CYSTM1: variants seen among roughly 807,000 people sequenced by gnomAD.
CYSTM1 encodes the protein cysteine rich transmembrane module containing 1.
CYSTM1 carries 4 observed loss-of-function variants against 13.1 expected under a neutral mutation model. The observed-to-expected ratio is 0.31, with a 90% CI of 0.15 to 0.70. The LOEUF is 0.70. Among genes scored for constraint, CYSTM1 ranks in the 30% least tolerant of loss-of-function variants. The pLI, the probability that CYSTM1 is intolerant of heterozygous loss-of-function variation, is 0.72. For missense variants in CYSTM1, 96 were observed against 121.6 expected, an observed-to-expected ratio of 0.79 and a Z score of 0.99; for synonymous variants, 36 against 42.7, an observed-to-expected ratio of 0.84 and a Z score of 0.62.
At chr5:140,198,219 C>T (rs965107464) in intron 2 of CYSTM1, among the ~76,000 whole-genome samples, 1 of 152,202 alleles carries the variant, frequency 6.6e-6, no homozygotes, top group Non-Finnish European at 1.5e-5. Context: ...GGAGTGGAAT[C>T]TGAGACTCAG....
chr5:140,189,160 G>A (rs1764059811), intron 1 of CYSTM1, among the ~76,000 whole-genome samples: 1 of 152,132 alleles, frequency 6.6e-6, no homozygotes, highest in Admixed American at 6.5e-5. Flanking sequence ...TCTCATCTTG[G>A]GATGTGATCC....
chr5:140,214,005 T>G (rs1764400742), intron 2 of CYSTM1, among the ~76,000 whole-genome samples: 1 of 152,070 alleles, frequency 6.6e-6, no homozygotes, highest in Admixed American at 6.6e-5. Flanking sequence ...GGAGGAGGAG[T>G]CTGCGGGTAA....
chr5:140,179,027 G>A (rs1188619057), intron 1 of CYSTM1, among the ~76,000 whole-genome samples: 1 of 152,034 alleles, frequency 6.6e-6, no homozygotes, highest in East Asian at 1.9e-4. Context: ...GGGAGGCTGA[G>A]GCAAGAGGAT....
chr5:140,194,587 A>C lies in CYSTM1; in HGVS notation c.122A>C (p.Tyr41Ser). 6.2e-7 allele frequency: 1 copy of C among 1,613,532 alleles called. No homozygotes were observed. The highest frequency in any genetic ancestry group is 2.2e-5 in the East Asian group (1 of 44,868). Residue 41 changes from tyrosine (Y) to serine (S), a missense_variant, in exon 2 of 3, where the codon TAC (tyrosine) becomes TCC (serine). Physicochemically the swap from Tyr to Ser is moderately radical, Grantham distance 144. Transcript: ENST00000261811. The stretch of plus-strand genomic sequence containing the variant: ...GGACCCTACCCACCTCCTCAAGGGT[A>C]CCCCTACCAAGGATACCCACAGTAC... ...MGGPYPPPQG[Y>S]PYQGYPQYGW...
chr5:140,186,170 A>G (rs1764013546), intron 1 of CYSTM1, among the ~76,000 whole-genome samples: 1 of 152,234 alleles, frequency 6.6e-6, no homozygotes, highest in Non-Finnish European at 1.5e-5. Flanking sequence ...TCTAGGCCTG[A>G]TATGTAGTAG....
intron 2 of CYSTM1, among the ~76,000 whole-genome samples, chr5:140,228,018 G>A (rs540972593): frequency 8.5e-5 from 13 of 152,294 alleles, no homozygotes; most frequent in South Asian, 4.1e-4. Context: ...TATTGGTCAC[G>A]TGGAAGAACC....
chr5:140,197,851 G>A (rs1444381807), intron 2 of CYSTM1, among the ~76,000 whole-genome samples: 1 of 152,158 alleles, frequency 6.6e-6, no homozygotes, highest in Non-Finnish European at 1.5e-5. Context: ...TTGGCGTCTG[G>A]TAATTAGTTA....
chr5:140,234,220 A>T (rs1271043954), intron 2 of CYSTM1, among the ~76,000 whole-genome samples: 1 of 152,150 alleles, frequency 6.6e-6, no homozygotes, highest in Non-Finnish European at 1.5e-5. Flanking sequence ...TGCTTTCTCC[A>T]ATGAATTGCC....
At position 140,230,863 on chromosome 5, in the gene CYSTM1, T is replaced by C. The variant is rs181571032; in HGVS notation, c.188-12442T>C. On this transcript the variant is annotated intron_variant, in intron 2 of 2. Transcript: ENST00000261811. The surrounding 1 kb of genome is among the most constrained non-coding windows in gnomAD (Gnocchi z 4.1). ...TTAGAATATGAGCTAGAATCAGGAA[T>C]CTGGTGTGATGTGTACCCTCCTTCC... Among the ~76,000 whole-genome samples the C allele has an allele frequency of 6.6e-6, 1 of 152,218 alleles. No individual in the cohort carries two copies. Among genetic ancestry groups the C allele is most frequent in the Non-Finnish European group, 1.5e-5 (1 of 68,046 alleles).
intron 1 of CYSTM1, among the ~76,000 whole-genome samples, chr5:140,180,557 G>T (rs1763950817): frequency 6.6e-6 from 1 of 152,192 alleles, no homozygotes; most frequent in Admixed American, 6.5e-5. Context: ...AACCAAAAAT[G>T]TTCACACCAT....
chr5:140,225,010 GTC>G lies in CYSTM1; in HGVS notation c.188-18291_188-18290del, dbSNP rs1764532950. Reference sequence around the variant, plus strand: ...AGCATGGACAACATAGCAAGACCCTGTCTCTACAAAAAATTTTAAAAATTAGC... The same window carrying G: ...AGCATGGACAACATAGCAAGACCCTGTCTACAAAAAATTTTAAAAATTAGC... On this transcript the variant is annotated intron_variant, in intron 2 of 2. Coordinates refer to ENST00000261811, the MANE Select transcript of CYSTM1 (RefSeq NM_032412.4). 2.0e-5 allele frequency among the ~76,000 whole-genome samples: 3 copies of G among 152,102 alleles called. No individual in the cohort carries two copies. In the South Asian group the frequency reaches 6.2e-4, roughly 32 times the overall value.
At chr5:140,227,012 C>A (rs927032151) in intron 2 of CYSTM1, among the ~76,000 whole-genome samples, 1 of 151,994 alleles carries the variant, frequency 6.6e-6, no homozygotes, top group African/African-American at 2.4e-5. Context: ...GAGGAGAAAG[C>A]GGAGTATGAT....
chr5:140,202,820 A>C (rs542360586), intron 2 of CYSTM1: 1 of 152,316 alleles, frequency 6.6e-6, no homozygotes, highest in Non-Finnish European at 1.5e-5. Context: ...TTCTGTGTGC[A>C]TTCCAAACCA....
chr5:140,209,022 G>A (rs1233670647), intron 2 of CYSTM1, among the ~76,000 whole-genome samples: 1 of 148,194 alleles, frequency 6.7e-6, no homozygotes, highest in Non-Finnish European at 1.5e-5. Flanking sequence ...CTGGGTGACA[G>A]AGCGAGACTC....
At chr5:140,194,919 G>C (rs917106538) in intron 2 of CYSTM1, among the ~76,000 whole-genome samples, 5 of 152,210 alleles carry the variant, frequency 3.3e-5, no homozygotes, top group African/African-American at 1.2e-4. Context: ...AGAGCACTTG[G>C]GGGTGGGGAA....
At chr5:140,185,788 C>T (rs540597291) in intron 1 of CYSTM1, among the ~76,000 whole-genome samples, 101 of 152,286 alleles carry the variant, frequency 6.6e-4, no homozygotes, top group African/African-American at 2.4e-3. Context: ...GCCTACAGTT[C>T]TGGAATGCCT....
chr5:140,205,529 G>T (rs1764288607), intron 2 of CYSTM1, among the ~76,000 whole-genome samples: 1 of 152,174 alleles, frequency 6.6e-6, no homozygotes, highest in Non-Finnish European at 1.5e-5. Context: ...ATGACAGAAT[G>T]TCCCAACAAG....
intron 2 of CYSTM1, among the ~76,000 whole-genome samples, chr5:140,217,924 C>T (rs1436058830): frequency 6.6e-6 from 1 of 152,064 alleles, no homozygotes; most frequent in Non-Finnish European, 1.5e-5. Flanking sequence ...CATTTTCATC[C>T]AGATAAAATT....
intron 2 of CYSTM1, among the ~76,000 whole-genome samples, chr5:140,222,221 T>C (rs1764499978): frequency 6.6e-6 from 1 of 152,278 alleles, no homozygotes; most frequent in Non-Finnish European, 1.5e-5. Context: ...AGCATGGTAT[T>C]ATCCCCCATG....
Sources: gnomAD v4.1 joint callset for allele counts (sites outside exome capture counted in the v4.1 genomes callset) on GRCh38, gnomAD v4.1.1 for gene constraint, Gnocchi (gnomAD v3.1) non-coding constraint, MANE v1.5 for transcripts, NCBI Gene and HGNC (gene_info 2026-07-23, HGNC 2026-07-21) for gene names.